SLCO6A1: variants seen among roughly 807,000 people sequenced by gnomAD.
The protein encoded by SLCO6A1 is solute carrier organic anion transporter family member 6A1, also known as cancer/testis antigen 48.
SLCO6A1 carries 65 observed loss-of-function variants against 72.7 expected under a neutral mutation model. The observed-to-expected ratio is 0.89, with a 90% CI of 0.73 to 1.10. The LOEUF (loss-of-function observed/expected upper bound fraction) is 1.10. Among genes scored for constraint, SLCO6A1 ranks in the 50% least tolerant of loss-of-function variants. SLCO6A1 has a pLI of 0.00. For synonymous variants in SLCO6A1, 314 were observed against 298.2 expected, an observed-to-expected ratio of 1.05 and a Z score of -0.55; for missense variants, 874 against 872.6, an observed-to-expected ratio of 1.00 and a Z score of -0.02.
chr5:102,376,689 CAA>C (rs1247275969), intron 12 of SLCO6A1, among the ~76,000 whole-genome samples: 1 of 152,000 alleles, frequency 6.6e-6, no homozygotes. Flanking sequence ...TTGATATTAT[CAA>C]AAGACAATAC....
At position 102,498,712 on chromosome 5, in the gene SLCO6A1, C is replaced by CG; in HGVS notation, c.132dup (p.Gly45ArgfsTer39). 1.9e-6 allele frequency: 3 copies of CG among 1,614,176 alleles called. No individual in the cohort carries two copies. The highest frequency in any genetic ancestry group is 2.5e-6 in the Non-Finnish European group (3 of 1,180,022). On this transcript the variant is annotated frameshift_variant, in exon 1 of 14. Coordinates refer to ENST00000506729, the MANE Select transcript of SLCO6A1 (RefSeq NM_173488.5). LOFTEE classifies it high-confidence loss of function. Reference sequence around the variant, plus strand: ...AGTCTCAGATACCGGTGTTTTTTCCCGGGCTTCGAGGACTTCGGGGTTCCC... The same window carrying CG: ...AGTCTCAGATACCGGTGTTTTTTCCCGGGGCTTCGAGGACTTCGGGGTTCCC...
Position 102,477,702 on chromosome 5 carries a change from G to C in SLCO6A1, c.776C>G (p.Ala259Gly). The C allele has an allele frequency of 6.2e-7, 1 of 1,613,292 alleles. No individual in the cohort carries two copies. The highest frequency in any genetic ancestry group is 8.5e-7 in the Non-Finnish European group (1 of 1,179,644). Residue 259 changes from alanine (A) to glycine (G), a missense_variant, in exon 3 of 14, where the codon GCT becomes GGT. Physicochemically the swap from Ala to Gly is moderately conservative, Grantham distance 60 (BLOSUM62 0). Transcript: ENST00000506729. ...LGITFIDENVATHSAGIYLGI... is the reference protein window; with the variant it reads ...LGITFIDENVGTHSAGIYLGI... ...TAAATAGATACCAGCTGAGTGTGTA[G>C]CAACATTCTCATCAATAAAGGTTAT...
At chr5:102,425,103 A>G (rs1053313265) in intron 7 of SLCO6A1, among the ~76,000 whole-genome samples, 1 of 152,196 alleles carries the variant, frequency 6.6e-6, no homozygotes, top group African/African-American at 2.4e-5. Context: ...TAAACTAGGT[A>G]TTGATGGAGC....
At chr5:102,470,269 G>T (rs562206840) in intron 4 of SLCO6A1, among the ~76,000 whole-genome samples, 1 of 152,152 alleles carries the variant, frequency 6.6e-6, no homozygotes, top group African/African-American at 2.4e-5. Flanking sequence ...GTAGAATTCA[G>T]TTGTGAATCT....
intron 7 of SLCO6A1, among the ~76,000 whole-genome samples, chr5:102,437,446 C>T (rs1749603168): frequency 1.3e-5 from 2 of 152,094 alleles, no homozygotes; most frequent in Non-Finnish European, 2.9e-5. Context: ...GTCAATACTG[C>T]ATGTAGCCTT....
chr5:102,463,147 C>T (rs998047730), intron 4 of SLCO6A1, among the ~76,000 whole-genome samples: 2 of 150,720 alleles, frequency 1.3e-5, no homozygotes, highest in African/African-American at 4.9e-5. Context: ...ATATACAATG[C>T]CCAATAAACA....
intron 4 of SLCO6A1, among the ~76,000 whole-genome samples, chr5:102,465,999 G>T (rs1286888976): frequency 3.3e-5 from 5 of 152,062 alleles, no homozygotes; most frequent in African/African-American, 1.2e-4. Context: ...ACATTATTTA[G>T]TATTGGGCTT....
In SLCO6A1 at chr5:102,448,336, A is replaced by C. The variant is rs142855378; in HGVS notation, c.1132-9575T>G. On this transcript the variant is annotated intron_variant, in intron 6 of 13. Transcript: ENST00000506729. Reference sequence around the variant, plus strand: ...GATGTGCCATGTGCAGATGAGAAGAATGTATATTTTGTTTTGGTTAGATGG... The same window carrying C: ...GATGTGCCATGTGCAGATGAGAAGACTGTATATTTTGTTTTGGTTAGATGG... Among the ~76,000 whole-genome samples, 1,462 of 152,304 alleles carry C rather than the reference A, an allele frequency of 9.6e-3. 14 individuals are homozygous for C. The highest frequency in any genetic ancestry group is 0.014 in the Non-Finnish European group (922 of 68,026).
At chr5:102,406,255 C>T (rs1747660914) in intron 9 of SLCO6A1, among the ~76,000 whole-genome samples, 1 of 151,784 alleles carries the variant, frequency 6.6e-6, no homozygotes, top group Non-Finnish European at 1.5e-5. Flanking sequence ...CATAAAGACA[C>T]AGGAAAACAA....
At chr5:102,392,929 G>A (rs183490132) in intron 10 of SLCO6A1, among the ~76,000 whole-genome samples, 12 of 151,576 alleles carry the variant, frequency 7.9e-5, no homozygotes, top group Admixed American at 2.6e-4. Context: ...AGAGCTCCCC[G>A]TTTCAAAATA....
chr5:102,425,593 A>G (rs1476552212), intron 7 of SLCO6A1, among the ~76,000 whole-genome samples: 2 of 152,190 alleles, frequency 1.3e-5, no homozygotes, highest in African/African-American at 4.8e-5. Flanking sequence ...AAGGAGAACT[A>G]CAAACCACTG....
At chr5:102,456,827 G>A (rs945990047) in intron 6 of SLCO6A1, among the ~76,000 whole-genome samples, 1 of 152,172 alleles carries the variant, frequency 6.6e-6, no homozygotes, top group African/African-American at 2.4e-5. Context: ...AAAGCTGGAG[G>A]CATCACGCTA....
intron 4 of SLCO6A1, among the ~76,000 whole-genome samples, chr5:102,460,676 G>T (rs995494335): frequency 6.6e-6 from 1 of 151,896 alleles, no homozygotes; most frequent in Non-Finnish European, 1.5e-5. Flanking sequence ...CACATCCACA[G>T]AAACCATAGT....
Position 102,419,833 on chromosome 5 carries a change from A to G in SLCO6A1, c.1465T>C (p.Tyr489His). The G allele has an allele frequency of 1.3e-6, 2 of 1,595,326 alleles. No individual in the cohort carries two copies. Among genetic ancestry groups the G allele is most frequent in the East Asian group, 4.5e-5 (2 of 44,248 alleles). The change falls in exon 8 of 14, where the codon TAT (tyrosine) becomes CAT (histidine). Residue 489 changes from tyrosine (Y) to histidine (H), a missense_variant. Tyr to His is a moderately conservative substitution (Grantham distance 83, BLOSUM62 2). Coordinates refer to ENST00000506729, the MANE Select transcript of SLCO6A1 (RefSeq NM_173488.5). The part of the protein sequence containing the change: ...PVQFAGINED[Y>H]DGTGKLGNLT... ...ATACAAGACTACATTTACCCATCAT[A>G]ATCTTCATTGATCCCAGCAAATTGC...
chr5:102,436,601 G>C (rs1486607069), intron 7 of SLCO6A1, among the ~76,000 whole-genome samples: 4 of 152,148 alleles, frequency 2.6e-5, no homozygotes, highest in Non-Finnish European at 4.4e-5. Context: ...GCAAGCTGTG[G>C]CATACTCTCT....
At chr5:102,425,474 T>C (rs1163293091) in intron 7 of SLCO6A1, among the ~76,000 whole-genome samples, 7 of 151,650 alleles carry the variant, frequency 4.6e-5, no homozygotes, top group Non-Finnish European at 1.0e-4. Context: ...TATACACCAT[T>C]AGTAGACAGA....
rs115701645 is a variant in SLCO6A1 at position 102,474,632 on chromosome 5, A to G, written c.899+1065T>C. 8.1e-3 allele frequency among the ~76,000 whole-genome samples: 1,233 copies of G among 152,252 alleles called. 12 individuals are homozygous for G. Among genetic ancestry groups the G allele is most frequent in the Non-Finnish European group, 0.015 (1,004 of 67,992 alleles). ...AAAGGAAACAATTGGCGAAGTGAAA[A>G]GGCAACCTGCAGAATGGGAGAAAAC... is the stretch of plus-strand genomic sequence containing the variant. On this transcript the variant is annotated intron_variant, in intron 4 of 13. Transcript: ENST00000506729.
chr5:102,386,256 C>T (rs1448924535), intron 12 of SLCO6A1, among the ~76,000 whole-genome samples: 1 of 152,168 alleles, frequency 6.6e-6, no homozygotes, highest in Non-Finnish European at 1.5e-5. Flanking sequence ...CCAAGGTCCA[C>T]TGAGATGGAC....
intron 6 of SLCO6A1, among the ~76,000 whole-genome samples, chr5:102,452,794 G>A (rs910004038): frequency 6.6e-6 from 1 of 152,130 alleles, no homozygotes; most frequent in South Asian, 2.1e-4. Context: ...CTCAGGAGAA[G>A]TATATTTAAA....
Sources: gnomAD v4.1 joint callset for allele counts (sites outside exome capture counted in the v4.1 genomes callset) on GRCh38, gnomAD v4.1.1 for gene constraint, MANE v1.5 for transcripts, NCBI Gene and HGNC (gene_info 2026-07-23, HGNC 2026-07-21) for gene names.